Variants in KIF24 observed in about 807,000 individuals in gnomAD.
KIF24 encodes kinesin-like protein KIF24.
Under a neutral mutation model 118.9 loss-of-function variants are expected in KIF24, and 81 were observed. That is an observed-to-expected ratio of 0.68 (90% CI 0.57 to 0.82). The LOEUF is 0.82. KIF24 is among the 40% of genes least tolerant of loss of function. The probability of loss-of-function intolerance (pLI) is 0.00; values close to 1 mark genes in which losing one functional copy is unlikely to be tolerated. For missense variants in KIF24, 1,560 were observed against 1,661.6 expected (o/e 0.94, Z 1.06); for synonymous variants, 599 against 610.0 (o/e 0.98, Z 0.27).
At chr9:34,284,789 G>C (rs1020386730) in intron 6 of KIF24, among the ~76,000 whole-genome samples, 3 of 152,088 alleles carry the variant, frequency 2.0e-5, no homozygotes, top group Admixed American at 6.6e-5. Flanking sequence ...TCTATTTCTT[G>C]ATCTGAGTAG....
chr9:34,328,324 G>A (rs1194742669), intron 1 of KIF24, among the ~76,000 whole-genome samples: 6 of 152,178 alleles, frequency 3.9e-5, no homozygotes, highest in Non-Finnish European at 8.8e-5. Flanking sequence ...TCACTAAGAA[G>A]CTAAAGGGAG....
chr9:34,311,687 T>C (rs930500377), intron 1 of KIF24, among the ~76,000 whole-genome samples: 9 of 145,150 alleles, frequency 6.2e-5, no homozygotes, highest in Non-Finnish European at 9.2e-5. Context: ...TGTATATATA[T>C]ACGTATATAT....
intron 1 of KIF24, among the ~76,000 whole-genome samples, chr9:34,325,967 C>G (rs538222730): frequency 6.6e-6 from 1 of 152,120 alleles, no homozygotes; most frequent in Non-Finnish European, 1.5e-5. Flanking sequence ...GGTTACAGTT[C>G]CAAGAGGAAA....
intron 3 of KIF24, among the ~76,000 whole-genome samples, chr9:34,303,762 T>A (rs991124122): frequency 7.2e-5 from 11 of 152,078 alleles, no homozygotes; most frequent in Non-Finnish European, 1.3e-4. Context: ...GGTGGGAGGA[T>A]CATTTGAGCT....
At chr9:34,303,065 T>C (rs1206960516) in intron 3 of KIF24, among the ~76,000 whole-genome samples, 1 of 151,958 alleles carries the variant, frequency 6.6e-6, no homozygotes, top group Non-Finnish European at 1.5e-5. Context: ...TGAGCCACCG[T>C]GCCCAGCCTA....
chr9:34,278,396 C>CA (rs1835731635), intron 6 of KIF24, among the ~76,000 whole-genome samples: 1 of 152,056 alleles, frequency 6.6e-6, no homozygotes, highest in Non-Finnish European at 1.5e-5. Flanking sequence ...GACAAGACAG[C>CA]AAAATTCCAT....
upstream of KIF24, among the ~76,000 whole-genome samples, chr9:34,331,868 A>T (rs555285096): frequency 8.5e-5 from 13 of 152,250 alleles, no homozygotes; most frequent in Non-Finnish European, 1.5e-4. Context: ...CTCAAACCAA[A>T]GCCTTTCTCT....
chr9:34,304,853 G>A (rs1836853365), intron 3 of KIF24, among the ~76,000 whole-genome samples: 1 of 152,206 alleles, frequency 6.6e-6, no homozygotes, highest in African/African-American at 2.4e-5. Context: ...TTCCACTAAT[G>A]TAAGATCTCA....
At chr9:34,328,502 G>A (rs1042675806) in intron 1 of KIF24, among the ~76,000 whole-genome samples, 1 of 152,224 alleles carries the variant, frequency 6.6e-6, no homozygotes, top group Non-Finnish European at 1.5e-5. Flanking sequence ...AAGGCCAGCT[G>A]TGGACTGTGT....
chr9:34,307,391 T>C (rs1418511955), intron 2 of KIF24, among the ~76,000 whole-genome samples: 2 of 150,730 alleles, frequency 1.3e-5, no homozygotes, highest in Non-Finnish European at 2.9e-5. Flanking sequence ...TACTGGGATC[T>C]GAATTGGTTT....
chr9:34,303,063 C>T (rs1221304722), intron 3 of KIF24, among the ~76,000 whole-genome samples: 1 of 152,000 alleles, frequency 6.6e-6, no homozygotes, highest in Non-Finnish European at 1.5e-5. Context: ...CGTGAGCCAC[C>T]GTGCCCAGCC....
chr9:34,286,536 T>A lies in KIF24; in HGVS notation c.1215+81A>T, dbSNP rs41314588. 2.1e-3 allele frequency: 2,021 copies of A among 965,324 alleles called. 4 individuals carry two copies. Among genetic ancestry groups the A allele is most frequent in the Non-Finnish European group, 2.7e-3 (1,639 of 596,428 alleles). 59.8% of individuals were successfully genotyped at this position (965,324 alleles called of 1,614,324 possible). A position where few individuals can be genotyped will look rare whatever the true frequency, so the allele number is the denominator to read the frequency against. On this transcript the variant is annotated intron_variant, in intron 6 of 12. Transcript: ENST00000402558. ...CCTTTGCCTAAATATAAGTCCACAG[T>A]ACTTGCTTAGTAGCAAAATGAATTT...
At chr9:34,276,272 C>A (rs563792655) in intron 6 of KIF24, among the ~76,000 whole-genome samples, 1 of 151,728 alleles carries the variant, frequency 6.6e-6, no homozygotes, top group Non-Finnish European at 1.5e-5. Context: ...GATGGTGGTG[C>A]GCACCTGTAA....
At chr9:34,299,153 T>C (rs955563943) in intron 3 of KIF24, among the ~76,000 whole-genome samples, 3 of 151,956 alleles carry the variant, frequency 2.0e-5, no homozygotes, top group African/African-American at 7.3e-5. Flanking sequence ...AGCCCAACTA[T>C]ACGTATATAA....
chr9:34,328,191 G>T (rs2131843936), intron 1 of KIF24, among the ~76,000 whole-genome samples: 1 of 152,254 alleles, frequency 6.6e-6, no homozygotes, highest in Non-Finnish European at 1.5e-5. Flanking sequence ...GTTCACCTGA[G>T]CAGCTGTTAT....
chr9:34,263,187 A>G lies in KIF24; in HGVS notation c.1444-15T>C. 6.2e-7 allele frequency: 1 copy of G among 1,604,380 alleles called. No individual in the cohort carries two copies. The highest frequency in any genetic ancestry group is 8.5e-7 in the Non-Finnish European group (1 of 1,172,152). On this transcript the variant is annotated splice_polypyrimidine_tract_variant and intron_variant, in intron 8 of 12. Transcript: ENST00000402558. ...CATTCCTTCAGCTGCAAAGTGGGAG[A>G]ACAAGCACATCAAGTATCAAGTGCA...
upstream of KIF24, among the ~76,000 whole-genome samples, chr9:34,330,142 G>A (rs1233098056): frequency 1.3e-5 from 2 of 152,230 alleles, no homozygotes; most frequent in African/African-American, 4.8e-5. Flanking sequence ...GGTGGCTCAC[G>A]CCTGTAATCC....
At position 34,257,066 on chromosome 9, in the gene KIF24, G is replaced by C; in HGVS notation, c.2541C>G (p.Thr847=). Reference sequence around the variant, plus strand: ...AGAATGAGTCTTCGCTATTCTCCAGGGTGTTCCTTTGCTTTGTGGCCCTCT... The same window carrying C: ...AGAATGAGTCTTCGCTATTCTCCAGCGTGTTCCTTTGCTTTGTGGCCCTCT... ...SSQRATKQRN[T]LENSEDSFFL... Residue 847 remains threonine, a synonymous_variant, in exon 11 of 13, where the codon ACC becomes ACG. Coordinates refer to ENST00000402558, the MANE Select transcript of KIF24 (RefSeq NM_194313.4). 1 of 1,613,982 alleles carries C rather than the reference G, an allele frequency of 6.2e-7. No homozygotes were observed. Among genetic ancestry groups the C allele is most frequent in the Non-Finnish European group, 8.5e-7 (1 of 1,179,896 alleles).
chr9:34,314,487 T>C (rs941448556), intron 1 of KIF24, among the ~76,000 whole-genome samples: 1 of 152,072 alleles, frequency 6.6e-6, no homozygotes, highest in African/African-American at 2.4e-5. Flanking sequence ...CTTTAAAATA[T>C]ATAGATACCT....
Sources: allele counts gnomAD v4.1 joint callset (sites outside exome capture counted in the v4.1 genomes callset), GRCh38; gene constraint gnomAD v4.1.1; transcripts MANE v1.5; gene names NCBI Gene and HGNC (gene_info 2026-07-23, HGNC 2026-07-21).